NHSL2: variants seen among roughly 807,000 people sequenced by gnomAD.
NHSL2 encodes the protein NHS like 2, also known as NHS-like protein 2.
A neutral mutation model predicts 53.4 loss-of-function variants in NHSL2; 27 were observed. That is an observed-to-expected ratio of 0.51 (90% CI 0.37 to 0.70). The LOEUF (loss-of-function observed/expected upper bound fraction) is 0.70, where lower values mean the gene tolerates loss of function less well. Among genes scored for constraint, NHSL2 ranks in the 30% least tolerant of loss-of-function variants. NHSL2 has a pLI of 0.00. For synonymous variants in NHSL2, 408 were observed against 404.1 expected (o/e 1.01, Z -0.12); for missense variants, 892 against 980.1 (o/e 0.91, Z 1.20).
intron 1 of NHSL2, among the ~76,000 whole-genome samples, chrX:71,926,629 TAC>T (rs769435111): frequency 8.3e-5 from 9 of 108,406 alleles, no homozygotes; most frequent in Admixed American, 9.8e-5. Context: ...CTTGAGAATA[TAC>T]ATATATATAC....
At chrX:72,108,695 C>T (rs1276706252) in intron 1 of NHSL2, among the ~76,000 whole-genome samples, 7 of 112,250 alleles carry the variant, frequency 6.2e-5, no homozygotes, top group Non-Finnish European at 9.4e-5. Context: ...AATCCCGAGG[C>T]CTTGGATGGG....
intron 1 of NHSL2, among the ~76,000 whole-genome samples, chrX:71,977,031 G>C (rs2041951451): frequency 1.8e-5 from 2 of 112,040 alleles, no homozygotes; most frequent in African/African-American, 6.5e-5. Flanking sequence ...AGCAAGAAAG[G>C]ATTGGCCAGC....
At chrX:72,029,856 T>C (rs1333273723) in intron 1 of NHSL2, among the ~76,000 whole-genome samples, 2 of 112,341 alleles carry the variant, frequency 1.8e-5, no homozygotes, top group Non-Finnish European at 3.8e-5. Context: ...CCTTGAAAGA[T>C]TGTTCCCTCT....
At chrX:71,971,255 A>G (rs1034005937) in intron 1 of NHSL2, among the ~76,000 whole-genome samples, 2 of 111,997 alleles carry the variant, frequency 1.8e-5, no homozygotes, top group African/African-American at 6.5e-5. Context: ...ATTTGTAGTA[A>G]GTTAATTCCA....
At chrX:72,044,627 G>T in intron 1 of NHSL2, 1 of 1,147,628 alleles carries the variant, frequency 8.7e-7, no homozygotes, top group South Asian at 1.8e-5. Context: ...AACTGTGTCC[G>T]ATGCGTGCCC....
chrX:72,042,573 C>G (rs149543788), intron 1 of NHSL2, among the ~76,000 whole-genome samples: 3,438 of 111,007 alleles, frequency 0.031, 134 homozygotes, highest in African/African-American at 0.097. Context: ...AGGCCAGTAG[C>G]TGCCTGGGGT....
At chrX:72,070,787 C>T (rs7474327) in intron 1 of NHSL2, among the ~76,000 whole-genome samples, 5,984 of 110,321 alleles carry the variant, frequency 0.054, 149 homozygotes, top group East Asian at 0.11. Flanking sequence ...ACACAGAGTC[C>T]AGGAGGAGCC....
intron 1 of NHSL2, among the ~76,000 whole-genome samples, chrX:72,012,991 C>T (rs952871283): frequency 1.1e-4 from 12 of 112,382 alleles, no homozygotes; most frequent in African/African-American, 3.6e-4. Context: ...ACTTTATTCT[C>T]CCTTTTCAAA....
chrX:71,989,788 C>T (rs918906802), intron 1 of NHSL2, among the ~76,000 whole-genome samples: 1 of 112,325 alleles, frequency 8.9e-6, no homozygotes, highest in African/African-American at 3.2e-5. Context: ...AATGAACCAT[C>T]CCTATGGGGT....
At chrX:71,938,704 A>C (rs969071340) in intron 1 of NHSL2, among the ~76,000 whole-genome samples, 1 of 112,927 alleles carries the variant, frequency 8.9e-6, no homozygotes, top group Non-Finnish European at 1.9e-5. Flanking sequence ...CACATTGCAA[A>C]TCCTGCCCAG....
intron 1 of NHSL2, among the ~76,000 whole-genome samples, chrX:72,054,478 G>A (rs2042357430): frequency 9.0e-6 from 1 of 111,264 alleles, no homozygotes; most frequent in African/African-American, 3.3e-5. Context: ...AAATAGAGTT[G>A]GTTTTTTCTT....
chrX:71,972,451 G>A (rs183322544), intron 1 of NHSL2, among the ~76,000 whole-genome samples: 1 of 112,402 alleles, frequency 8.9e-6, no homozygotes, highest in African/African-American at 3.2e-5. Flanking sequence ...TCTGCTCTCC[G>A]CTGTTTCTGT....
chrX:72,124,166 A>T (rs2042203958), intron 1 of NHSL2, among the ~76,000 whole-genome samples: 1 of 109,270 alleles, frequency 9.2e-6, no homozygotes, highest in Non-Finnish European at 1.9e-5. Flanking sequence ...CTCTTGCCTG[A>T]TTAATGCCTG....
intron 1 of NHSL2, among the ~76,000 whole-genome samples, chrX:72,011,446 CGGATCACGA>C (rs1474087046): frequency 8.9e-6 from 1 of 112,165 alleles, no homozygotes; most frequent in Non-Finnish European, 1.9e-5. Flanking sequence ...CCAAGGTGGG[CGGATCACGA>C]GGTCAGGAGA....
chrX:72,052,346 G>T (rs895183434), intron 1 of NHSL2, among the ~76,000 whole-genome samples: 2 of 112,499 alleles, frequency 1.8e-5, no homozygotes, highest in Admixed American at 9.4e-5. Flanking sequence ...CCAACTAGGG[G>T]CCTCAGGGCG....
At chrX:72,036,392 T>G (rs2042241616) in intron 1 of NHSL2, among the ~76,000 whole-genome samples, 1 of 112,384 alleles carries the variant, frequency 8.9e-6, no homozygotes, top group Non-Finnish European at 1.9e-5. Context: ...AATCATTATT[T>G]CTCTCTGACT....
chrX:71,978,684 C>CTTT (rs1289527280), intron 1 of NHSL2, among the ~76,000 whole-genome samples: 1 of 87,887 alleles, frequency 1.1e-5, no homozygotes, highest in Non-Finnish European at 2.2e-5. Flanking sequence ...GGGCTCACAT[C>CTTT]TTTTTTTTTT....
Position 71,945,320 on chromosome X carries a change from C to T in NHSL2, c.280+33953C>T, listed in dbSNP as rs190638895. On this transcript the variant is annotated intron_variant, in intron 1 of 7. Transcript: ENST00000633930. ...ACTTGGCCTCTGTGGGCCCACCTCACTCTGCCTCACTGCTGAGAAGTCCCC... is the reference window on the plus strand; with the variant it reads ...ACTTGGCCTCTGTGGGCCCACCTCATTCTGCCTCACTGCTGAGAAGTCCCC... Among the ~76,000 whole-genome samples the T allele has an allele frequency of 1.6e-3, 184 of 112,478 alleles. No individual in the cohort carries two copies. In the Middle Eastern group the frequency reaches 0.023, roughly 14 times the overall value.
chrX:72,039,858 G>T (rs2042264011), intron 1 of NHSL2, among the ~76,000 whole-genome samples: 1 of 111,760 alleles, frequency 8.9e-6, no homozygotes, highest in South Asian at 3.8e-4. Context: ...TTAGCCTGCA[G>T]CCCTGTGGCC....
Sources: allele counts gnomAD v4.1 joint callset (sites outside exome capture counted in the v4.1 genomes callset), GRCh38; gene constraint gnomAD v4.1.1; transcripts MANE v1.5; gene names NCBI Gene and HGNC (gene_info 2026-07-23, HGNC 2026-07-21).